Variants in C4BPA observed in about 807,000 individuals in gnomAD.
C4BPA encodes complement component 4 binding protein alpha, also known as C4b-binding protein alpha chain.
C4BPA carries 31 observed loss-of-function variants against 63.7 expected under a neutral mutation model. The ratio of observed to expected loss-of-function variants is 0.49; its 90% CI spans 0.37 to 0.66. The LOEUF is 0.66. Ranked by LOEUF, C4BPA falls within the 30% of genes least tolerant of loss-of-function variation. C4BPA has a pLI of 0.00. For missense variants in C4BPA, 572 were observed against 723.3 expected (o/e 0.79, Z 2.40); for synonymous variants, 259 against 254.7 (o/e 1.02, Z -0.16).
At chr1:207,128,237 T>A (rs760087677) in intron 7 of C4BPA, among the ~76,000 whole-genome samples, 1 of 152,230 alleles carries the variant, frequency 6.6e-6, no homozygotes. Context: ...TCCCCAGCTC[T>A]GCGCTGTGGA....
intron 9 of C4BPA, among the ~76,000 whole-genome samples, 192 bp from the exon 10 acceptor site, chr1:207,140,914 C>G (rs905052953): frequency 2.0e-5 from 3 of 152,130 alleles, no homozygotes; most frequent in African/African-American, 4.8e-5. Context: ...ATATCTCGAG[C>G]CTTTCTATGG....
intron 1 of C4BPA, among the ~76,000 whole-genome samples, chr1:207,109,964 C>T (rs764177312): frequency 1.1e-4 from 17 of 152,236 alleles, no homozygotes; most frequent in Non-Finnish European, 2.1e-4. Flanking sequence ...TACTACTTTT[C>T]TTTGGAACAC....
intron 7 of C4BPA, among the ~76,000 whole-genome samples, chr1:207,129,175 C>A (rs1685110822): frequency 6.6e-6 from 1 of 151,798 alleles, no homozygotes. Context: ...AAAAGAGGAA[C>A]TCAACAGTAG....
intron 1 of C4BPA, among the ~76,000 whole-genome samples, chr1:207,106,492 T>C (rs1181052452): frequency 1.4e-5 from 2 of 147,794 alleles, no homozygotes; most frequent in South Asian, 2.1e-4. Flanking sequence ...CAGACTGGAG[T>C]GCGGTGGTGC....
intron 6 of C4BPA, among the ~76,000 whole-genome samples, chr1:207,124,585 T>C (rs1423340580): frequency 6.6e-6 from 1 of 152,202 alleles, no homozygotes; most frequent in Non-Finnish European, 1.5e-5. Flanking sequence ...TAACAGTATA[T>C]GGGAACAAAC....
At chr1:207,131,497 C>T in intron 7 of C4BPA, 49 bp from the exon 8 acceptor site, 1 of 1,351,308 alleles carries the variant, frequency 7.4e-7, no homozygotes, top group South Asian at 1.3e-5. Flanking sequence ...GCTGTGGCAG[C>T]CCTAGTAATA....
At chr1:207,128,637 A>G (rs1572789703) in intron 7 of C4BPA, among the ~76,000 whole-genome samples, 1 of 152,190 alleles carries the variant, frequency 6.6e-6, no homozygotes, top group Non-Finnish European at 1.5e-5. Context: ...AGAAAACCAC[A>G]GTTATCTCTG....
intron 7 of C4BPA, among the ~76,000 whole-genome samples, chr1:207,129,477 G>T (rs1474457540): frequency 2.0e-5 from 3 of 149,078 alleles, no homozygotes; most frequent in Non-Finnish European, 4.4e-5. Flanking sequence ...CAAGAAGCTT[G>T]TTGAACTCAA....
In C4BPA at chr1:207,114,292, A is replaced by G. The variant is rs1273069688; in HGVS notation, c.328+7A>G. The G allele has an allele frequency of 3.2e-6, 5 of 1,582,022 alleles. No homozygotes were observed. Among genetic ancestry groups the G allele is most frequent in the South Asian group, 2.3e-5 (2 of 85,788 alleles). On this transcript the variant is annotated splice_region_variant and intron_variant, in intron 3 of 11. Coordinates refer to ENST00000367070, the MANE Select transcript of C4BPA (RefSeq NM_000715.4). ...TATAACACCTTCTGTATCTGTAAGT[A>G]TCAACATTTATTTTTTTCCTTTGCT...
chr1:207,107,225 A>G (rs1273219771), intron 1 of C4BPA, among the ~76,000 whole-genome samples: 1 of 152,204 alleles, frequency 6.6e-6, no homozygotes, highest in Non-Finnish European at 1.5e-5. Flanking sequence ...CATGGGAGAC[A>G]TTAACTGCAA....
At chr1:207,136,993 T>G (rs1306928534) in intron 9 of C4BPA, among the ~76,000 whole-genome samples, 2 of 152,226 alleles carry the variant, frequency 1.3e-5, no homozygotes, top group Non-Finnish European at 1.5e-5. Flanking sequence ...TAGAAATTTA[T>G]TGCTCCTAGC....
At chr1:207,106,642 C>A (rs928323669) in intron 1 of C4BPA, among the ~76,000 whole-genome samples, 1 of 151,214 alleles carries the variant, frequency 6.6e-6, no homozygotes, top group East Asian at 2.0e-4. Flanking sequence ...AGGGTTTCAC[C>A]GTGTTAGCCA....
In C4BPA at chr1:207,144,537, C is replaced by A; in HGVS notation, c.1621-7C>A. 1 of 1,596,572 alleles carries A rather than the reference C, an allele frequency of 6.3e-7. No homozygotes were observed. ...TCTCAATCACACCCACCACTTATAT[C>A]TTTTAGGAGACCCCCGAAGGCTGTG... On this transcript the variant is annotated splice_polypyrimidine_tract_variant and splice_region_variant and intron_variant, in intron 11 of 11. Transcript: ENST00000367070.
intron 8 of C4BPA, among the ~76,000 whole-genome samples, chr1:207,133,529 C>T (rs561745563): frequency 3.9e-5 from 6 of 152,264 alleles, no homozygotes; most frequent in South Asian, 4.1e-4. Flanking sequence ...TTTGGGAGGC[C>T]GAGGTGGGGG....
rs1302104307 is a variant in C4BPA at position 207,144,666 on chromosome 1, G to A, written c.1743G>A (p.Leu581=). ...AGCTGTCTCTGGAAATTGAACAACT[G>A]GAACTACAGAGAGACAGCGCAAGAC... ...VYKLSLEIEQ[L]ELQRDSARQS... The change falls in exon 12 of 12, where the codon CTG becomes CTA. Residue 581 remains leucine, a synonymous_variant. Transcript: ENST00000367070. 1.2e-6 allele frequency: 2 copies of A among 1,613,510 alleles called. No individual in the cohort carries two copies. Among genetic ancestry groups the A allele is most frequent in the South Asian group, 2.2e-5 (2 of 91,032 alleles).
intron 1 of C4BPA, among the ~76,000 whole-genome samples, chr1:207,112,496 C>T (rs993929156): frequency 6.6e-6 from 1 of 151,998 alleles, no homozygotes; most frequent in African/African-American, 2.4e-5. Flanking sequence ...TGCATGTCTG[C>T]CATAATGATC....
Position 207,110,953 on chromosome 1 carries a change from A to C in C4BPA, c.-25-2048A>C, listed in dbSNP as rs564481176. 5.9e-5 allele frequency among the ~76,000 whole-genome samples: 9 copies of C among 152,280 alleles called. No individual in the cohort carries two copies. The South Asian group carries it at 1.9e-3, about 32-fold the overall frequency. ...ATTTTGCCACCCCACTGGTGTTTTT[A>C]ATCTCTTTCTTCAATTTCACTGAAA... On this transcript the variant is annotated intron_variant, in intron 1 of 11. Transcript: ENST00000367070.
At chr1:207,141,345 G>A (rs1011641227) in intron 10 of C4BPA, 69 bp downstream of exon 10, 12 of 1,219,618 alleles carry the variant, frequency 9.8e-6, no homozygotes, top group Non-Finnish European at 1.3e-5. Flanking sequence ...TGAGAGCTAA[G>A]TTTCTTCCCT....
At chr1:207,141,974 T>C (rs1346116616) in intron 10 of C4BPA, among the ~76,000 whole-genome samples, 2 of 152,072 alleles carry the variant, frequency 1.3e-5, no homozygotes, top group African/African-American at 2.4e-5. Flanking sequence ...GAACATGCAG[T>C]TTTGTTACAA....
Sources: allele counts gnomAD v4.1 joint callset (sites outside exome capture counted in the v4.1 genomes callset), GRCh38; gene constraint gnomAD v4.1.1; transcripts MANE v1.5; gene names NCBI Gene and HGNC (gene_info 2026-07-23, HGNC 2026-07-21).